TEKTL1: variants seen among roughly 807,000 people sequenced by gnomAD.
TEKTL1 encodes tektin like 1, also known as tektin-like protein 1.
At chr19:15,013,560 A>G in the TEKTL1 span, 1 of 734,240 alleles carries the variant, frequency 1.4e-6, no homozygotes, top group Non-Finnish European at 2.2e-6. Flanking sequence ...CCTCAACTTC[A>G]TCCTTCAAAC....
At chr19:15,020,482 A>T in the TEKTL1 span, 1 of 1,612,986 alleles carries the variant, frequency 6.2e-7, no homozygotes, top group Non-Finnish European at 8.5e-7. Context: ...CTGCCGAGAC[A>T]CTCTGAACTT....
the TEKTL1 span, among the ~76,000 whole-genome samples, chr19:15,019,782 G>A: frequency 2.6e-5 from 4 of 152,054 alleles, no homozygotes; most frequent in Non-Finnish European, 1.5e-5. Flanking sequence ...GAGCCTAGGA[G>A]TTTGAGACCA....
At chr19:15,018,511 C>CA in the TEKTL1 span, among the ~76,000 whole-genome samples, 1 of 151,206 alleles carries the variant, frequency 6.6e-6, no homozygotes, top group Non-Finnish European at 1.5e-5. Context: ...GAGTTTGAGA[C>CA]AAGCCTGGAC....
the TEKTL1 span, among the ~76,000 whole-genome samples, chr19:15,017,975 AC>A: frequency 1.7e-4 from 26 of 152,114 alleles, no homozygotes; most frequent in East Asian, 2.1e-3. Flanking sequence ...CAGGAGGATC[AC>A]TTGAGCCCAG....
chr19:15,022,805 G>T, the TEKTL1 span: 2 of 1,500,620 alleles, frequency 1.3e-6, no homozygotes, highest in Non-Finnish European at 1.8e-6. Flanking sequence ...ACCTGGCGCA[G>T]GTGTGCCTTC....
chr19:15,018,981 C>T, the TEKTL1 span, among the ~76,000 whole-genome samples: 1 of 152,046 alleles, frequency 6.6e-6, no homozygotes, highest in Admixed American at 6.6e-5. Context: ...CAGGATCTCA[C>T]TCTGTTGCCC....
chr19:15,011,062 A>T, the TEKTL1 span: 3 of 1,576,812 alleles, frequency 1.9e-6, no homozygotes, highest in Non-Finnish European at 2.6e-6. Context: ...AGATGATCAA[A>T]GGCGGCGGCA....
the TEKTL1 span, chr19:15,022,848 G>A: frequency 6.4e-7 from 1 of 1,568,918 alleles, no homozygotes; most frequent in African/African-American, 1.4e-5. Context: ...CTGGCTCACG[G>A]GTCTGCCCTG....
chr19:15,023,169 C>T, the TEKTL1 span: 1 of 1,502,546 alleles, frequency 6.7e-7, no homozygotes. Context: ...CTGGCTGGGA[C>T]CTCGGAGAGC....
chr19:15,020,441 C>T, the TEKTL1 span: 2 of 1,608,080 alleles, frequency 1.2e-6, no homozygotes, highest in Admixed American at 1.7e-5. Flanking sequence ...ACTCTGTCTT[C>T]TCCTCCCCTC....
the TEKTL1 span, chr19:15,022,739 G>A: frequency 2.4e-6 from 2 of 838,778 alleles, no homozygotes; most frequent in Admixed American, 6.7e-5. Flanking sequence ...TTTTTTCCAG[G>A]CACACCTGGC....
chr19:15,017,672 A>G, the TEKTL1 span, among the ~76,000 whole-genome samples: 7 of 152,136 alleles, frequency 4.6e-5, no homozygotes, highest in Non-Finnish European at 7.4e-5. Flanking sequence ...CCAGCTCTCC[A>G]TGTTACAGTG....
At chr19:15,018,823 G>A in the TEKTL1 span, among the ~76,000 whole-genome samples, 16 of 149,506 alleles carry the variant, frequency 1.1e-4, no homozygotes, top group African/African-American at 2.0e-4. Context: ...TTATTTCCAC[G>A]TTCCCATACC....
At chr19:15,023,219 C>A in the TEKTL1 span, 2 of 1,076,702 alleles carry the variant, frequency 1.9e-6, no homozygotes, top group South Asian at 1.6e-5. Flanking sequence ...CTGACGCACC[C>A]TCCCTCCAAG....
the TEKTL1 span, chr19:15,021,241 C>T: frequency 2.1e-6 from 3 of 1,395,868 alleles, no homozygotes; most frequent in African/African-American, 1.4e-5. Flanking sequence ...CACCCAGTTC[C>T]TCAATAAAAC....
the TEKTL1 span, among the ~76,000 whole-genome samples, chr19:15,019,156 C>T: frequency 1.2e-4 from 18 of 152,128 alleles, no homozygotes; most frequent in African/African-American, 4.3e-4. Flanking sequence ...ACCATGTGGC[C>T]CAGGCTGGTC....
chr19:15,011,488 C>A, the TEKTL1 span: 1 of 1,152,516 alleles, frequency 8.7e-7, no homozygotes, highest in Non-Finnish European at 1.1e-6. Context: ...CCTTTCCATA[C>A]TTTGGGAGGC....
the TEKTL1 span, among the ~76,000 whole-genome samples, chr19:15,018,356 G>A: frequency 6.2e-4 from 94 of 152,112 alleles, no homozygotes; most frequent in Non-Finnish European, 8.7e-4. Flanking sequence ...ACTTTTACCT[G>A]ATTATTATGC....
At chr19:15,013,953 T>C in the TEKTL1 span, among the ~76,000 whole-genome samples, 14 of 152,270 alleles carry the variant, frequency 9.2e-5, no homozygotes, top group Non-Finnish European at 1.5e-4. Context: ...GGAGATGACG[T>C]TGGGTCTCAG....
Sources: allele counts gnomAD v4.1 joint callset (sites outside exome capture counted in the v4.1 genomes callset), GRCh38; gene constraint gnomAD v4.1.1; transcripts MANE v1.5; gene names NCBI Gene and HGNC (gene_info 2026-07-23, HGNC 2026-07-21).